Variants in CSMD3 observed in about 807,000 individuals in gnomAD.
CSMD3 encodes CUB and sushi domain-containing protein 3.
In CSMD3, 177 loss-of-function variants were observed where a neutral mutation model predicts 435.2. The ratio of observed to expected loss-of-function variants is 0.41; its 90% CI spans 0.36 to 0.46. The LOEUF (loss-of-function observed/expected upper bound fraction) is 0.46. CSMD3 is among the 20% of genes least tolerant of loss of function. CSMD3 has a pLI of 0.34. For missense variants in CSMD3, 4,265 were observed against 4,504.6 expected (o/e 0.95, Z 1.52); for synonymous variants, 1,656 against 1,520.5 (o/e 1.09, Z -2.07).
chr8:113,096,414 C>A (rs975057625), intron 5 of CSMD3, among the ~76,000 whole-genome samples: 3 of 152,114 alleles, frequency 2.0e-5, no homozygotes, highest in Admixed American at 2.0e-4. Flanking sequence ...TATCATTTAT[C>A]TTGAAAACCC....
intron 12 of CSMD3, among the ~76,000 whole-genome samples, chr8:112,818,889 T>G (rs568737171): frequency 6.6e-6 from 1 of 152,186 alleles, no homozygotes; most frequent in Non-Finnish European, 1.5e-5. Context: ...GTGAATTTCA[T>G]AATGAAAATT....
chr8:113,423,038 T>A (rs2094616708), intron 1 of CSMD3, among the ~76,000 whole-genome samples: 1 of 152,084 alleles, frequency 6.6e-6, no homozygotes, highest in Non-Finnish European at 1.5e-5. Context: ...AATATATAAA[T>A]AGCCTGAATA....
intron 6 of CSMD3, among the ~76,000 whole-genome samples, chr8:113,006,804 TA>T (rs1265399570): frequency 1.3e-5 from 2 of 151,920 alleles, no homozygotes; most frequent in African/African-American, 4.8e-5. Context: ...GGCAAGGGAC[TA>T]ATTCGGGCAA....
chr8:112,416,997 G>A (rs1811985793), intron 32 of CSMD3, among the ~76,000 whole-genome samples: 1 of 152,106 alleles, frequency 6.6e-6, no homozygotes, highest in African/African-American at 2.4e-5. Context: ...AGGTCTCTCT[G>A]GAAGCAACTC....
At chr8:112,994,035 G>A (rs2085553087) in intron 6 of CSMD3, among the ~76,000 whole-genome samples, 1 of 151,736 alleles carries the variant, frequency 6.6e-6, no homozygotes, top group South Asian at 2.1e-4. Context: ...GGGTTGTAGA[G>A]AGGCAATAGT....
intron 22 of CSMD3, among the ~76,000 whole-genome samples, chr8:112,629,073 G>T (rs1301636804): frequency 6.6e-6 from 1 of 152,168 alleles, no homozygotes; most frequent in African/African-American, 2.4e-5. Context: ...ACAGTAATAA[G>T]GTAGATAATG....
intron 1 of CSMD3, among the ~76,000 whole-genome samples, chr8:113,398,655 T>C (rs1414415970): frequency 1.3e-5 from 2 of 152,142 alleles, no homozygotes; most frequent in Non-Finnish European, 2.9e-5. Context: ...TCTGCATTAC[T>C]TTACTGTTCT....
intron 22 of CSMD3, among the ~76,000 whole-genome samples, chr8:112,603,762 T>A (rs1832568159): frequency 6.6e-6 from 1 of 152,116 alleles, no homozygotes; most frequent in East Asian, 1.9e-4. Context: ...TTGTCACAAA[T>A]CTCCAAAAAG....
At chr8:112,246,753 C>A (rs547198168) in intron 64 of CSMD3, among the ~76,000 whole-genome samples, 1 of 152,076 alleles carries the variant, frequency 6.6e-6, no homozygotes, top group Non-Finnish European at 1.5e-5. Context: ...CTAATCATTA[C>A]CTAAAATTAC....
At chr8:113,266,395 G>C (rs7812921) in intron 3 of CSMD3, among the ~76,000 whole-genome samples, 45,622 of 150,844 alleles carry the variant, frequency 0.3, 7,996 homozygotes, top group East Asian at 0.7. Context: ...ATACATTCTT[G>C]TTTAAGCAAT....
intron 22 of CSMD3, among the ~76,000 whole-genome samples, chr8:112,631,872 G>C (rs997259499): frequency 6.6e-6 from 1 of 151,794 alleles, no homozygotes; most frequent in African/African-American, 2.4e-5. Flanking sequence ...AGAAAATTAA[G>C]GCATTTGCCT....
At chr8:112,473,154 A>G (rs1489317732) in intron 31 of CSMD3, among the ~76,000 whole-genome samples, 2 of 152,306 alleles carry the variant, frequency 1.3e-5, no homozygotes, top group Admixed American at 1.3e-4. Flanking sequence ...TCATCTAAGT[A>G]TTCTATTTTC....
intron 17 of CSMD3, among the ~76,000 whole-genome samples, chr8:112,663,759 C>T (rs950001373): frequency 6.6e-6 from 1 of 152,054 alleles, no homozygotes; most frequent in South Asian, 2.1e-4. Flanking sequence ...TCTTAAATGA[C>T]TCTGGATTGT....
At chr8:112,974,161 T>G (rs780772638) in intron 7 of CSMD3, among the ~76,000 whole-genome samples, 1 of 151,928 alleles carries the variant, frequency 6.6e-6, no homozygotes, top group Non-Finnish European at 1.5e-5. Flanking sequence ...TAATTAAAAT[T>G]TACTTGAAGA....
chr8:113,387,980 G>A (rs1279543215), intron 1 of CSMD3, among the ~76,000 whole-genome samples: 1 of 151,610 alleles, frequency 6.6e-6, no homozygotes, highest in Non-Finnish European at 1.5e-5. Context: ...AGAACCAGAA[G>A]CATATTATAT....
rs377691657 is a variant in CSMD3 at position 112,815,588 on chromosome 8, A to G, written c.1859+14098T>C. Reference sequence around the variant, plus strand: ...ATATTTTCCCCTAATTTCTTCTTCTACAGCCACCTTTGAAATGCCTGCTAC... The same window carrying G: ...ATATTTTCCCCTAATTTCTTCTTCTGCAGCCACCTTTGAAATGCCTGCTAC... On this transcript the variant is annotated intron_variant, in intron 12 of 70. Transcript: ENST00000297405. Among the ~76,000 whole-genome samples the G allele has an allele frequency of 2.0e-4, 30 of 152,252 alleles. No individual in the cohort carries two copies. The East Asian group carries it at 5.0e-3, about 26-fold the overall frequency.
intron 10 of CSMD3, among the ~76,000 whole-genome samples, chr8:112,896,204 C>T (rs568957635): frequency 2.0e-5 from 3 of 151,438 alleles, no homozygotes; most frequent in African/African-American, 7.2e-5. Flanking sequence ...AGTCTAACAC[C>T]TACATAGAAA....
chr8:112,255,532 A>G (rs920549508), intron 61 of CSMD3, 105 bp from the exon 62 acceptor site: 1 of 992,884 alleles, frequency 1.0e-6, no homozygotes, highest in Non-Finnish European at 1.6e-6. Flanking sequence ...CTAAAGAGAT[A>G]TATTATTCAT....
chr8:112,633,679 T>C (rs970039395), intron 22 of CSMD3, among the ~76,000 whole-genome samples: 3 of 151,978 alleles, frequency 2.0e-5, no homozygotes, highest in African/African-American at 7.2e-5. Context: ...TTTGCCAAAT[T>C]CTACCAAAAG....
Sources: allele counts gnomAD v4.1 joint callset (sites outside exome capture counted in the v4.1 genomes callset), GRCh38; gene constraint gnomAD v4.1.1; transcripts MANE v1.5; gene names NCBI Gene and HGNC (gene_info 2026-07-23, HGNC 2026-07-21).